KCNK13: variants seen among roughly 807,000 people sequenced by gnomAD.
KCNK13 encodes potassium two pore domain channel subfamily K member 13, also known as potassium channel subfamily K member 13.
A neutral mutation model predicts 23.4 loss-of-function variants in KCNK13; 12 were observed. The ratio of observed to expected loss-of-function variants is 0.51; its 90% CI spans 0.33 to 0.83. The LOEUF (loss-of-function observed/expected upper bound fraction) is 0.83, where lower values mean the gene tolerates loss of function less well. Ranked by LOEUF, KCNK13 falls within the 40% of genes least tolerant of loss-of-function variation. The pLI is 0.02. For missense variants in KCNK13, 463 were observed against 556.3 expected, an observed-to-expected ratio of 0.83 and a Z score of 1.69; for synonymous variants, 231 against 229.5, an observed-to-expected ratio of 1.01 and a Z score of -0.06.
intron 1 of KCNK13, among the ~76,000 whole-genome samples, chr14:90,114,445 T>C (rs7143971): frequency 0.74 from 112,914 of 152,028 alleles, 42,256 homozygotes; most frequent in East Asian, 0.92. Flanking sequence ...ACCTCGGCTT[T>C]GGGATTTTAA....
At chr14:90,084,126 T>C (rs1889245057) in intron 1 of KCNK13, among the ~76,000 whole-genome samples, 1 of 152,254 alleles carries the variant, frequency 6.6e-6, no homozygotes, top group Admixed American at 6.5e-5. Flanking sequence ...GTTGGTTTTT[T>C]TTCCCCCAAG....
At chr14:90,072,878 AG>A (rs1889092412) in intron 1 of KCNK13, among the ~76,000 whole-genome samples, 1 of 152,192 alleles carries the variant, frequency 6.6e-6, no homozygotes. Context: ...ATAAAATAAA[AG>A]TATGAAATTT....
intron 1 of KCNK13, among the ~76,000 whole-genome samples, chr14:90,135,777 GTT>G (rs1337385826): frequency 1.3e-5 from 2 of 152,156 alleles, no homozygotes; most frequent in African/African-American, 2.4e-5. Context: ...TTCATTTCTG[GTT>G]GAGTGTAGGG....
intron 1 of KCNK13, among the ~76,000 whole-genome samples, chr14:90,114,653 C>T (rs376266239): frequency 1.8e-3 from 268 of 152,258 alleles, no homozygotes; most frequent in African/African-American, 6.0e-3. Flanking sequence ...AATCTTTTTT[C>T]ATGTATGTTA....
chr14:90,175,369 A>T (rs964415106), intron 1 of KCNK13, among the ~76,000 whole-genome samples: 1 of 152,170 alleles, frequency 6.6e-6, no homozygotes, highest in Admixed American at 6.5e-5. Flanking sequence ...CATTATTCTT[A>T]TAGCCCAATT....
rs528440570 is a variant in KCNK13 at position 90,112,874 on chromosome 14, T to C, written c.334+50335T>C. Among the ~76,000 whole-genome samples, 4 of 152,178 alleles carry C rather than the reference T, an allele frequency of 2.6e-5. No individual in the cohort carries two copies. The East Asian group carries it at 5.8e-4, about 22-fold the overall frequency. ...AAAGTAATTGATGAACCAAATATTT[T>C]TGGTAAAATTTATTGTATAAAAAAA... On this transcript the variant is annotated intron_variant, in intron 1 of 1. Transcript: ENST00000282146.
rs370786991 is a variant in KCNK13, at chr14:90,114,576, C to T, written c.334+52037C>T. Among the ~76,000 whole-genome samples the T allele has an allele frequency of 6.6e-4, 101 of 152,282 alleles. 4 individuals are homozygous for T. The South Asian group carries it at 0.021, about 31-fold the overall frequency. ...CTGGCCTTAATTACAGCAGACCTTC[C>T]CCATTCTCAGGACCACGGAGGTCAC... On this transcript the variant is annotated intron_variant, in intron 1 of 1. Coordinates refer to ENST00000282146, the MANE Select transcript of KCNK13 (RefSeq NM_022054.4).
chr14:90,138,616 A>G (rs1889965713), intron 1 of KCNK13, among the ~76,000 whole-genome samples: 1 of 152,224 alleles, frequency 6.6e-6, no homozygotes, highest in Non-Finnish European at 1.5e-5. Context: ...GGAGACTTAC[A>G]GAAAGGAATC....
intron 1 of KCNK13, among the ~76,000 whole-genome samples, chr14:90,182,347 C>T (rs534411307): frequency 6.6e-6 from 1 of 152,310 alleles, no homozygotes; most frequent in African/African-American, 2.4e-5. Flanking sequence ...AAAGCCCACA[C>T]ATTTCAAGGT....
chr14:90,134,512 A>G (rs1020258662), intron 1 of KCNK13, among the ~76,000 whole-genome samples: 1 of 152,222 alleles, frequency 6.6e-6, no homozygotes, highest in African/African-American at 2.4e-5. Flanking sequence ...GAAAGATCCA[A>G]TGTTTATGAA....
chr14:90,125,029 A>G (rs540165737), intron 1 of KCNK13, among the ~76,000 whole-genome samples: 1 of 152,272 alleles, frequency 6.6e-6, no homozygotes, highest in South Asian at 2.1e-4. Context: ...TTTTGATGGA[A>G]GTTCCAGCTA....
At chr14:90,159,372 G>A (rs1368734905) in intron 1 of KCNK13, among the ~76,000 whole-genome samples, 1 of 152,182 alleles carries the variant, frequency 6.6e-6, no homozygotes, top group African/African-American at 2.4e-5. Flanking sequence ...AGGACTCAGG[G>A]CCTGCCTGTC....
chr14:90,079,322 GAGGGAATTGAGGATGAGAAA>G (rs542179013), intron 1 of KCNK13, among the ~76,000 whole-genome samples: 11 of 152,286 alleles, frequency 7.2e-5, no homozygotes, highest in African/African-American at 9.6e-5. Context: ...GTAGGAGTGT[GAGGGAATTGAGGATGAGAAA>G]AGGGAATTGA....
intron 1 of KCNK13, among the ~76,000 whole-genome samples, chr14:90,113,764 C>A (rs951374236): frequency 2.6e-5 from 4 of 152,096 alleles, no homozygotes; most frequent in Non-Finnish European, 5.9e-5. Context: ...GAAACCCTGT[C>A]TCTACTAAAA....
chr14:90,156,482 A>T (rs1009377299), intron 1 of KCNK13, among the ~76,000 whole-genome samples: 1 of 150,972 alleles, frequency 6.6e-6, no homozygotes, highest in Non-Finnish European at 1.5e-5. Context: ...AAGGTTCGAG[A>T]ATTGAGATGC....
chr14:90,181,414 G>T lies in KCNK13; in HGVS notation c.335-2697G>T, dbSNP rs138262696. ...CATGGCACCTTCTTGTGTCCTCCCAGGGAGGAAGGAATGGATGAATCACCT... is the reference window on the plus strand; with the variant it reads ...CATGGCACCTTCTTGTGTCCTCCCATGGAGGAAGGAATGGATGAATCACCT... On this transcript the variant is annotated intron_variant, in intron 1 of 1. Coordinates refer to ENST00000282146, the MANE Select transcript of KCNK13 (RefSeq NM_022054.4). 6.4e-3 allele frequency among the ~76,000 whole-genome samples: 967 copies of T among 152,264 alleles called. 7 individuals carry two copies. The highest frequency in any genetic ancestry group is 0.022 in the African/African-American group (933 of 41,564).
intron 1 of KCNK13, among the ~76,000 whole-genome samples, chr14:90,158,459 C>T (rs887011872): frequency 6.6e-6 from 1 of 152,236 alleles, no homozygotes; most frequent in Non-Finnish European, 1.5e-5. Context: ...AGGCCTTGAC[C>T]TGTAACCGTG....
At chr14:90,146,060 G>A (rs1890069636) in intron 1 of KCNK13, among the ~76,000 whole-genome samples, 1 of 152,046 alleles carries the variant, frequency 6.6e-6, no homozygotes, top group African/African-American at 2.4e-5. Flanking sequence ...GAAATCTTAA[G>A]CCCTAATTTT....
At chr14:90,136,764 C>T (rs995047896) in intron 1 of KCNK13, among the ~76,000 whole-genome samples, 10 of 152,042 alleles carry the variant, frequency 6.6e-5, no homozygotes, top group Admixed American at 1.3e-4. Context: ...GAAAGCCTGG[C>T]GAGAGAAGGA....
Sources: gnomAD v4.1 joint callset for allele counts (sites outside exome capture counted in the v4.1 genomes callset) on GRCh38, gnomAD v4.1.1 for gene constraint, MANE v1.5 for transcripts, NCBI Gene and HGNC (gene_info 2026-07-23, HGNC 2026-07-21) for gene names.